BTRC: variants seen among roughly 807,000 people sequenced by gnomAD.
BTRC encodes F-box/WD repeat-containing protein 1A.
In BTRC, 42 loss-of-function variants were observed where a neutral mutation model predicts 85.5. The ratio of observed to expected loss-of-function variants is 0.49; its 90% confidence interval spans 0.38 to 0.64. The LOEUF (loss-of-function observed/expected upper bound fraction) is 0.64, where lower values mean the gene tolerates loss of function less well. Among genes scored for constraint, BTRC ranks in the 30% least tolerant of loss-of-function variants. BTRC has a pLI of 0.00. For missense variants in BTRC, 594 were observed against 743.5 expected, an observed-to-expected ratio of 0.80 and a Z score of 2.34; for synonymous variants, 255 against 263.3, an observed-to-expected ratio of 0.97 and a Z score of 0.30.
intron 1 of BTRC, among the ~76,000 whole-genome samples, chr10:101,374,279 A>G (rs1942724792): frequency 6.6e-6 from 1 of 152,088 alleles, no homozygotes; most frequent in Non-Finnish European, 1.5e-5. Context: ...ATGGTATCTC[A>G]TAGTGGTTTT....
intron 8 of BTRC, 143 bp downstream of exon 8, chr10:101,532,575 C>G: frequency 2.6e-6 from 3 of 1,142,276 alleles, no homozygotes; most frequent in Non-Finnish European, 3.6e-6. Flanking sequence ...AAGCCAAAAT[C>G]ATTTCCTTAA....
At chr10:101,367,390 G>T (rs1942498760) in intron 1 of BTRC, among the ~76,000 whole-genome samples, 1 of 151,796 alleles carries the variant, frequency 6.6e-6, no homozygotes, top group African/African-American at 2.4e-5. Context: ...TATTTAAGAA[G>T]AATGTTCTAG....
intron 13 of BTRC, among the ~76,000 whole-genome samples, chr10:101,542,411 C>T (rs1428029548): frequency 2.0e-5 from 3 of 152,070 alleles, no homozygotes; most frequent in African/African-American, 7.2e-5. Context: ...AGCCACATCC[C>T]AAAAAATGTC....
intron 4 of BTRC, among the ~76,000 whole-genome samples, chr10:101,519,395 T>C (rs547214015): frequency 1.3e-5 from 2 of 152,198 alleles, no homozygotes; most frequent in African/African-American, 4.8e-5. Flanking sequence ...CTCATTCTTG[T>C]AGTAGGCAGA....
intron 1 of BTRC, among the ~76,000 whole-genome samples, chr10:101,371,781 A>G (rs562350906): frequency 2.6e-5 from 4 of 152,174 alleles, no homozygotes; most frequent in South Asian, 2.1e-4. Context: ...TAGCTCTGCA[A>G]TCCATCTGGA....
intron 3 of BTRC, among the ~76,000 whole-genome samples, chr10:101,473,768 T>C (rs1396473511): frequency 1.3e-5 from 2 of 151,972 alleles, no homozygotes; most frequent in African/African-American, 2.4e-5. Flanking sequence ...GGCCAATTTT[T>C]TCTATTTTTT....
intron 4 of BTRC, among the ~76,000 whole-genome samples, chr10:101,494,168 A>G (rs1363431351): frequency 4.6e-5 from 7 of 152,238 alleles, no homozygotes; most frequent in Non-Finnish European, 8.8e-5. Flanking sequence ...GAATGTGGCC[A>G]GGTTAATGTG....
At chr10:101,497,349 A>G (rs1946288015) in intron 4 of BTRC, among the ~76,000 whole-genome samples, 1 of 152,138 alleles carries the variant, frequency 6.6e-6, no homozygotes, top group South Asian at 2.1e-4. Context: ...TGTGTGATCC[A>G]CGCCTTGTGT....
intron 5 of BTRC, among the ~76,000 whole-genome samples, chr10:101,522,348 G>C (rs1398912713): frequency 5.0e-5 from 2 of 40,316 alleles, no homozygotes; most frequent in Non-Finnish European, 8.0e-5. Context: ...CTGGTATAAA[G>C]CTTTAAAAAA....
chr10:101,451,652 C>G (rs939615629), intron 2 of BTRC, among the ~76,000 whole-genome samples: 6 of 152,058 alleles, frequency 3.9e-5, no homozygotes, highest in African/African-American at 2.4e-5. Context: ...TTTTTTCCCC[C>G]CTGAGGTCCC....
chr10:101,393,730 GTCTT>G (rs1381546270), intron 1 of BTRC, among the ~76,000 whole-genome samples: 2 of 149,792 alleles, frequency 1.3e-5, no homozygotes, highest in African/African-American at 4.9e-5. Flanking sequence ...GTTGGAAAGA[GTCTT>G]TCCCTACACA....
At chr10:101,436,012 A>G (rs1370517981) in intron 2 of BTRC, among the ~76,000 whole-genome samples, 2 of 152,210 alleles carry the variant, frequency 1.3e-5, no homozygotes, top group Non-Finnish European at 2.9e-5. Flanking sequence ...AAACCACAGC[A>G]TTGAGATGGT....
chr10:101,427,040 A>G (rs1338743485), intron 1 of BTRC, among the ~76,000 whole-genome samples: 3 of 148,152 alleles, frequency 2.0e-5, no homozygotes, highest in Non-Finnish European at 4.5e-5. Flanking sequence ...TGACTGTGAG[A>G]TTTTTTTCTA....
chr10:101,435,789 G>C, intron 2 of BTRC, among the ~76,000 whole-genome samples: 1 of 151,948 alleles, frequency 6.6e-6, no homozygotes, highest in East Asian at 1.9e-4. Context: ...CTTCAAAGTG[G>C]TTGTCACAGG....
intron 2 of BTRC, among the ~76,000 whole-genome samples, chr10:101,441,879 CAAAA>C (rs35543012): frequency 7.0e-5 from 6 of 85,716 alleles, no homozygotes; most frequent in Admixed American, 4.7e-4. Context: ...GAGACTGTCT[CAAAA>C]AAAAAAAAAA....
At chr10:101,370,736 A>AT (rs777811818) in intron 1 of BTRC, among the ~76,000 whole-genome samples, 2 of 150,916 alleles carry the variant, frequency 1.3e-5, no homozygotes, top group Non-Finnish European at 3.0e-5. Flanking sequence ...ACATCGGCTA[A>AT]TTTTTTTGCA....
At chr10:101,417,205 C>T (rs766757194) in intron 1 of BTRC, among the ~76,000 whole-genome samples, 14 of 152,258 alleles carry the variant, frequency 9.2e-5, no homozygotes, top group Non-Finnish European at 1.9e-4. Context: ...CTCTAGTAAT[C>T]TCAGTCAATG....
chr10:101,512,145 G>A (rs372149213), intron 4 of BTRC, among the ~76,000 whole-genome samples: 28 of 152,282 alleles, frequency 1.8e-4, no homozygotes, highest in African/African-American at 6.5e-4. Context: ...AACTGTTGTT[G>A]GTTGATTGAT....
intron 1 of BTRC, among the ~76,000 whole-genome samples, chr10:101,362,679 G>A (rs528645488): frequency 1.3e-5 from 2 of 152,286 alleles, no homozygotes; most frequent in East Asian, 3.9e-4. Context: ...ACAGGTGTGA[G>A]CCACCACGCC....
Sources: gnomAD v4.1 joint callset for allele counts (sites outside exome capture counted in the v4.1 genomes callset) on GRCh38, gnomAD v4.1.1 for gene constraint, MANE v1.5 for transcripts, NCBI Gene and HGNC (gene_info 2026-07-23, HGNC 2026-07-21) for gene names.